ABCA3: variants seen among roughly 807,000 people sequenced by gnomAD.
ABCA3 encodes the protein phospholipid-transporting ATPase ABCA3.
ABCA3 carries 88 observed loss-of-function variants against 172.8 expected under a neutral mutation model. The ratio of observed to expected loss-of-function variants is 0.51; its 90% CI spans 0.43 to 0.61. ABCA3 has a LOEUF of 0.61. Among genes scored for constraint, ABCA3 ranks in the 20% least tolerant of loss-of-function variants. The pLI is 0.00. For synonymous variants in ABCA3, 1,066 were observed against 983.8 expected (o/e 1.08, Z -1.56); for missense variants, 2,164 against 2,301.0 (o/e 0.94, Z 1.22).
In ABCA3 at chr16:2,292,252, C is replaced by T. The variant is rs915061786; in HGVS notation, c.2415-14G>A. 2.5e-6 allele frequency: 4 copies of T among 1,602,890 alleles called. No individual in the cohort carries two copies. In the African/African-American group the frequency reaches 4.0e-5, roughly 16 times the overall value. On this transcript the variant is annotated splice_polypyrimidine_tract_variant and intron_variant, in intron 18 of 32. Transcript: ENST00000301732. Reference sequence around the variant, plus strand: ...AGACCTTCAAACCTGAAAAACAGACCCAGCATTATGAGTCACTTCTCAGTG... The same window carrying T: ...AGACCTTCAAACCTGAAAAACAGACTCAGCATTATGAGTCACTTCTCAGTG...
rs757403320 is a variant in ABCA3, at chr16:2,277,688, G to A, written c.4910-18C>T. The A allele has an allele frequency of 1.1e-5, 17 of 1,612,886 alleles. No homozygotes were observed. The East Asian group carries it at 1.6e-4, about 15-fold the overall frequency. ...GACGCTGCCTGCACAAAGGAGAGAC[G>A]GTGTTGCTGTGAGCGCCGGGCTGGA... On this transcript the variant is annotated intron_variant, in intron 31 of 32. Transcript: ENST00000301732. The surrounding 1 kb of genome is among the most constrained non-coding windows in gnomAD (Gnocchi z 5.3).
Position 2,281,303 on chromosome 16 carries a change from C to A in ABCA3, c.4164+78G>T. ...GTCTGAGCCTCAGCGCCGAAAGCTT[C>A]CAGGGATGGGGTCGGACCCTGGGGA... On this transcript the variant is annotated intron_variant, in intron 27 of 32. Coordinates refer to ENST00000301732, the MANE Select transcript of ABCA3 (RefSeq NM_001089.3). This position sits in a 1 kb window ranked among gnomAD's most constrained non-coding sequence, Gnocchi z 4.7. 1 of 1,613,208 alleles carries A rather than the reference C, an allele frequency of 6.2e-7. No individual in the cohort carries two copies. Among genetic ancestry groups the A allele is most frequent in the Non-Finnish European group, 8.5e-7 (1 of 1,179,830 alleles).
Position 2,281,203 on chromosome 16 carries a change from G to A in ABCA3, c.4183C>T (p.Pro1395Ser), listed in dbSNP as rs759908162. 6.8e-6 allele frequency: 11 copies of A among 1,613,564 alleles called. No homozygotes were observed. Among genetic ancestry groups the A allele is most frequent in the Non-Finnish European group, 9.3e-6 (11 of 1,179,990 alleles). ...ELSKVYEQRV[P>S]LLAVDRLSLA... ...GAGAGCCTGTCCACGGCCAGGAGGG[G>A]CACCCGCTGCTCGTACACCTGCAGG... Residue 1395 changes from proline to serine, a missense_variant, in exon 28 of 33, where the codon CCC (proline) becomes TCC (serine). By Grantham distance (74) the Pro-to-Ser change is moderately conservative. This residue lies in a region of ABCA3 where 795 missense variants were observed against 881.9 expected (regional missense o/e 0.90). Coordinates refer to ENST00000301732, the MANE Select transcript of ABCA3 (RefSeq NM_001089.3). This position sits in a 1 kb window ranked among gnomAD's most constrained non-coding sequence, Gnocchi z 4.7.
chr16:2,297,758 C>T lies in ABCA3; in HGVS notation c.2052+8G>A, dbSNP rs367966485. 52 of 1,610,180 alleles carry T rather than the reference C, an allele frequency of 3.2e-5. No individual in the cohort carries two copies. Among genetic ancestry groups the T allele is most frequent in the Non-Finnish European group, 3.9e-5 (46 of 1,180,030 alleles). Reference sequence around the variant, plus strand: ...GGGAACCCACTGCCTCCAGTCCCACCGCCACACCTTGGAGCCTGCGATGAG... The same window carrying T: ...GGGAACCCACTGCCTCCAGTCCCACTGCCACACCTTGGAGCCTGCGATGAG... On this transcript the variant is annotated splice_region_variant and intron_variant, in intron 16 of 32. Coordinates refer to ENST00000301732, the MANE Select transcript of ABCA3 (RefSeq NM_001089.3). The surrounding 1 kb of genome is among the most constrained non-coding windows in gnomAD (Gnocchi z 5.6).
In ABCA3 at chr16:2,279,421, G is replaced by A. The variant is rs116493676; in HGVS notation, c.4360-291C>T. Among the ~76,000 whole-genome samples the A allele has an allele frequency of 3.5e-3, 540 of 152,326 alleles. 5 individuals are homozygous for A. The highest frequency in any genetic ancestry group is 0.013 in the African/African-American group (526 of 41,582). ...CATGGGGTTAGGTGGTGCAAGAATG[G>A]CCTTTACGTAGAAGCAGACTCAGAG... On this transcript the variant is annotated intron_variant, in intron 28 of 32. Transcript: ENST00000301732. This position sits in a 1 kb window ranked among gnomAD's most constrained non-coding sequence, Gnocchi z 4.4.
Position 2,297,510 on chromosome 16 carries a change from G to A in ABCA3, c.2082C>T (p.Gly694=), listed in dbSNP as rs2093681770. 5.6e-6 allele frequency: 9 copies of A among 1,613,066 alleles called. No individual in the cohort carries two copies. The highest frequency in any genetic ancestry group is 7.6e-6 in the Non-Finnish European group (9 of 1,179,990). ...KVLILDEPTS[G]MDAISRRAIW... ...TGGCCCTCCTGGAGATGGCGTCCAT[G>A]CCCGAGGTGGGCTCGTCCAGTATCA... The change falls in exon 17 of 33, where the codon GGC becomes GGT. Residue 694 remains glycine, a synonymous_variant. Transcript: ENST00000301732. The surrounding 1 kb of genome is among the most constrained non-coding windows in gnomAD (Gnocchi z 5.6).
chr16:2,287,922 G>C lies in ABCA3; in HGVS notation c.3004+104C>G, dbSNP rs2093665522. The stretch of plus-strand genomic sequence containing the variant: ...CCCTCAGTACATTCGGAACAGCCAA[G>C]AACCATCCTCCCCAGATGTCGACCC... On this transcript the variant is annotated intron_variant, in intron 21 of 32. Coordinates refer to ENST00000301732, the MANE Select transcript of ABCA3 (RefSeq NM_001089.3). This position sits in a 1 kb window ranked among gnomAD's most constrained non-coding sequence, Gnocchi z 4.1. The C allele has an allele frequency of 6.9e-7, 1 of 1,439,518 alleles. No individual in the cohort carries two copies. Among genetic ancestry groups the C allele is most frequent in the Non-Finnish European group, 9.5e-7 (1 of 1,053,722 alleles). The allele number at this position is 1,439,518 out of a possible 1,614,324, so 89.2% of individuals were successfully genotyped here.
At chr16:2,308,383 C>G (rs1456586431) in intron 11 of ABCA3, 67 bp downstream of exon 11, 47 of 1,601,580 alleles carry the variant, frequency 2.9e-5, no homozygotes, top group Non-Finnish European at 3.8e-5. Flanking sequence ...GCTGGCGGCT[C>G]TTGTGGTTGG....
intron 7 of ABCA3, among the ~76,000 whole-genome samples, chr16:2,321,882 A>G (rs530067348): frequency 6.6e-6 from 1 of 152,304 alleles, no homozygotes; most frequent in South Asian, 2.1e-4. Context: ...ACCAAGCCCC[A>G]TGAACTCAAA....
At chr16:2,340,379 A>T (rs2093758892) in intron 1 of ABCA3, among the ~76,000 whole-genome samples, 194 bp downstream of exon 1, 1 of 151,234 alleles carries the variant, frequency 6.6e-6, no homozygotes, top group South Asian at 2.1e-4. Context: ...CCCGGAGCCG[A>T]GGCCGCGGCA....
chr16:2,282,919 G>A (rs1047172536), intron 26 of ABCA3, among the ~76,000 whole-genome samples: 1 of 152,174 alleles, frequency 6.6e-6, no homozygotes, highest in Non-Finnish European at 1.5e-5. Flanking sequence ...GTGTCCCTGG[G>A]CACCACCTCT....
intron 11 of ABCA3, 109 bp downstream of exon 11, chr16:2,308,341 T>C (rs979838240): frequency 2.2e-6 from 3 of 1,386,252 alleles, no homozygotes; most frequent in Non-Finnish European, 3.0e-6. Context: ...TGGTCCCAAC[T>C]GCCTGCCAAC....
chr16:2,300,179 TTTTG>T (rs2093686743), intron 12 of ABCA3, 31 bp from the exon 13 acceptor site: 2 of 1,612,620 alleles, frequency 1.2e-6, no homozygotes. Context: ...TGTCAGTTTG[TTTTG>T]TTTGTGACGA....
At chr16:2,307,016 CAAAAAAA>C (rs201661615) in intron 11 of ABCA3, among the ~76,000 whole-genome samples, 14 of 65,994 alleles carry the variant, frequency 2.1e-4, no homozygotes, top group African/African-American at 5.1e-4. Context: ...GACTCCGTCT[CAAAAAAA>C]AAAAAAAAAA....
chr16:2,299,961 G>C, intron 13 of ABCA3, 44 bp downstream of exon 13: 1 of 1,608,798 alleles, frequency 6.2e-7, no homozygotes, highest in South Asian at 1.1e-5. Flanking sequence ...TCTTCCCATG[G>C]TCCTGGCAGC....
At chr16:2,340,392 A>AGGGGCG (rs1417448994) in intron 1 of ABCA3, among the ~76,000 whole-genome samples, 181 bp downstream of exon 1, 1 of 150,156 alleles carries the variant, frequency 6.7e-6, no homozygotes, top group African/African-American at 2.5e-5. Context: ...CCGCGGCAGG[A>AGGGGCG]GGGGCGGGCG....
chr16:2,301,714 A>G (rs78345366), intron 12 of ABCA3, among the ~76,000 whole-genome samples: 1 of 119,376 alleles, frequency 8.4e-6, no homozygotes, highest in Admixed American at 8.2e-5. Flanking sequence ...CGAATCAAAG[A>G]AAAAAAAAAA....
rs917159214 is a variant in ABCA3 at position 2,279,594 on chromosome 16, C to T, written c.4360-464G>A. On this transcript the variant is annotated intron_variant, in intron 28 of 32. Coordinates refer to ENST00000301732, the MANE Select transcript of ABCA3 (RefSeq NM_001089.3). The surrounding 1 kb of genome is among the most constrained non-coding windows in gnomAD (Gnocchi z 4.4). ...CAGCTGTTCTCTGCACAAGTGACCA[C>T]GTCCAGCTGAATTAAGACGTGCCTG... Among the ~76,000 whole-genome samples, 2 of 152,212 alleles carry T rather than the reference C, an allele frequency of 1.3e-5. No homozygotes were observed. The highest frequency in any genetic ancestry group is 4.8e-5 in the African/African-American group (2 of 41,438).
chr16:2,300,283 A>C, intron 12 of ABCA3, 135 bp from the exon 13 acceptor site: 3 of 1,277,214 alleles, frequency 2.3e-6, no homozygotes, highest in Non-Finnish European at 3.3e-6. Context: ...AGAAGGCGCT[A>C]CTCAGGGAGA....
Sources: allele counts gnomAD v4.1 joint callset (sites outside exome capture counted in the v4.1 genomes callset), GRCh38; gene constraint gnomAD v4.1.1; regional missense constraint gnomAD v4.1.1; non-coding constraint Gnocchi (gnomAD v3.1); transcripts MANE v1.5; gene names NCBI Gene and HGNC (gene_info 2026-07-23, HGNC 2026-07-21).